ARG1: variants seen among roughly 807,000 people sequenced by gnomAD.
ARG1 encodes arginase-1.
Under a neutral mutation model 33.0 loss-of-function variants are expected in ARG1, and 20 were observed. The observed-to-expected ratio is 0.61, with a 90% CI of 0.43 to 0.88. The LOEUF (loss-of-function observed/expected upper bound fraction) is 0.88, where lower values mean the gene tolerates loss of function less well. ARG1 is among the 40% of genes least tolerant of loss of function. ARG1 has a pLI of 0.00. For missense variants in ARG1, 374 were observed against 384.7 expected (o/e 0.97, Z 0.23); for synonymous variants, 146 against 140.6 (o/e 1.04, Z -0.27).
chr6:131,582,791 T>C (rs1774000155), intron 5 of ARG1, 76 bp downstream of exon 5: 2 of 1,248,410 alleles, frequency 1.6e-6, no homozygotes, highest in African/African-American at 3.0e-5. Context: ...TGACCAACTC[T>C]ATGAGAGAAA....
Position 131,581,294 on chromosome 6 carries a change from T to G in ARG1, c.381T>G (p.Thr127=). The G allele has an allele frequency of 1.2e-6, 2 of 1,613,896 alleles. No homozygotes were observed. Among genetic ancestry groups the G allele is most frequent in the Non-Finnish European group, 1.7e-6 (2 of 1,179,834 alleles). Residue 127 remains threonine, a synonymous_variant, in exon 4 of 8, where the codon ACT becomes ACG. Transcript: ENST00000368087. ...DLGVIWVDAH[T]DINTPLTTTS... ...GAGTCATCTGGGTGGATGCTCACACTGATATCAACACTCCACTGACAACCA... is the reference window on the plus strand; with the variant it reads ...GAGTCATCTGGGTGGATGCTCACACGGATATCAACACTCCACTGACAACCA...
Position 131,584,081 on chromosome 6 carries a change from C to G in ARG1, c.*173C>G, listed in dbSNP as rs1326381254. 2.6e-6 allele frequency: 2 copies of G among 766,244 alleles called. No individual in the cohort carries two copies. Among genetic ancestry groups the G allele is most frequent in the African/African-American group, 3.5e-5 (2 of 56,584 alleles). The allele number at this position is 766,244 out of a possible 1,614,324, so 47.5% of individuals were successfully genotyped here. A position where few individuals can be genotyped will look rare whatever the true frequency, so the allele number is the denominator to read the frequency against. On this transcript the variant is annotated 3_prime_UTR_variant, in exon 8 of 8. Transcript: ENST00000368087. ...GTGTAAAATTCAAGATGTGGAAATT[C>G]TAACTTTTTTGAAATTTAAAAGCTT...
chr6:131,577,012 T>A (rs1184336792), intron 2 of ARG1, among the ~76,000 whole-genome samples: 2 of 151,686 alleles, frequency 1.3e-5, no homozygotes, highest in Non-Finnish European at 2.9e-5. Context: ...GGGTGGATGG[T>A]AGGGGAGCCG....
At chr6:131,576,763 C>G in intron 2 of ARG1, 28 bp downstream of exon 2, 1 of 1,585,688 alleles carries the variant, frequency 6.3e-7, no homozygotes, top group Non-Finnish European at 8.7e-7. Flanking sequence ...AAATGATCAG[C>G]CTGATTTCCT....
intron 1 of ARG1, chr6:131,574,096 TAA>T: frequency 1.4e-6 from 1 of 691,278 alleles, no homozygotes; most frequent in Non-Finnish European, 2.6e-6. Context: ...CTTATTCTAG[TAA>T]AGAGAGTGTG....
At position 131,579,127 on chromosome 6, in the gene ARG1, T is replaced by C. The variant is rs1773783430; in HGVS notation, c.147T>C (p.Asp49=). Reference sequence around the variant, plus strand: ...TAATTTTAGAGTGTGATGTGAAGGATTATGGGGACCTGCCCTTTGCTGACA... The same window carrying C: ...TAATTTTAGAGTGTGATGTGAAGGACTATGGGGACCTGCCCTTTGCTGACA... ...KLKEQECDVK[D]YGDLPFADIP... The change falls in exon 3 of 8, where the codon GAT becomes GAC. Residue 49 remains aspartate, a synonymous_variant. Coordinates refer to ENST00000368087, the MANE Select transcript of ARG1 (RefSeq NM_000045.4). The C allele has an allele frequency of 1.9e-6, 3 of 1,614,034 alleles. No individual in the cohort carries two copies. Among genetic ancestry groups the C allele is most frequent in the Non-Finnish European group, 2.5e-6 (3 of 1,180,002 alleles).
intron 1 of ARG1, 125 bp from the exon 2 acceptor site, chr6:131,576,538 T>C (rs974034404): frequency 3.4e-5 from 30 of 880,264 alleles, no homozygotes; most frequent in Non-Finnish European, 5.3e-5. Flanking sequence ...TGTAAATTCC[T>C]GGCTCTGTAG....
At chr6:131,574,049 G>A (rs1773495759) in intron 1 of ARG1, 1 of 556,104 alleles carries the variant, frequency 1.8e-6, no homozygotes, top group Non-Finnish European at 3.2e-6. Context: ...ACACATGCCA[G>A]CAACATTGAA....
intron 3 of ARG1, among the ~76,000 whole-genome samples, chr6:131,581,002 T>C (rs1773891827): frequency 6.6e-6 from 1 of 152,242 alleles, no homozygotes; most frequent in Non-Finnish European, 1.5e-5. Flanking sequence ...GTTTTTTTAG[T>C]AATGCAATCG....
At position 131,583,459 on chromosome 6, in the gene ARG1, G is replaced by GTCTC; in HGVS notation, c.772_775dup (p.Tyr259SerfsTer54). ...GTGGGAGGTCTGACATACAGAGAAG[G>GTCTC]TCTCTACATCACAGAAGAAATCTAC... On this transcript the variant is annotated frameshift_variant, in exon 7 of 8. Coordinates refer to ENST00000368087, the MANE Select transcript of ARG1 (RefSeq NM_000045.4). LOFTEE classifies it high-confidence loss of function. 6.2e-7 allele frequency: 1 copy of GTCTC among 1,614,096 alleles called. No homozygotes were observed.
Position 131,576,541 on chromosome 6 carries a change from C to T in ARG1, c.58-122C>T, listed in dbSNP as rs1585401573. On this transcript the variant is annotated intron_variant, in intron 1 of 7. Transcript: ENST00000368087. The stretch of plus-strand genomic sequence containing the variant: ...TAAAAGAGATGATGTAAATTCCTGG[C>T]TCTGTAGGAGCTCAAAAAATGATAG... 22 of 916,036 alleles carry T rather than the reference C, an allele frequency of 2.4e-5. No homozygotes were observed. The East Asian group carries it at 4.0e-4, about 17-fold the overall frequency. The allele number at this position is 916,036 out of a possible 1,614,324, so 56.7% of individuals were successfully genotyped here.
At chr6:131,579,044 A>G (rs1562356485) in intron 2 of ARG1, 67 bp from the exon 3 acceptor site, 5 of 1,551,742 alleles carry the variant, frequency 3.2e-6, no homozygotes, top group Non-Finnish European at 4.4e-6. Flanking sequence ...TACAATTGAG[A>G]TCATCCTACA....
chr6:131,580,333 C>T (rs1357479805), intron 3 of ARG1, among the ~76,000 whole-genome samples: 2 of 151,946 alleles, frequency 1.3e-5, no homozygotes, highest in Non-Finnish European at 2.9e-5. Flanking sequence ...AGACAAGAAA[C>T]CTAAAGGGAA....
intron 3 of ARG1, among the ~76,000 whole-genome samples, chr6:131,579,951 T>A (rs1289692419): frequency 6.6e-6 from 1 of 152,162 alleles, no homozygotes; most frequent in African/African-American, 2.4e-5. Context: ...ATAAGCATCA[T>A]AAGCATCAGT....
chr6:131,583,796 C>T lies in ARG1; in HGVS notation c.857C>T (p.Pro286Leu), dbSNP rs1190531585. 1 of 1,613,916 alleles carries T rather than the reference C, an allele frequency of 6.2e-7. No homozygotes were observed. The highest frequency in any genetic ancestry group is 1.3e-5 in the African/African-American group (1 of 74,896). ...GTGAACCCATCCCTGGGGAAGACAC[C>T]AGAAGAAGTAACTCGAACAGTGAAC... ...MEVNPSLGKT[P>L]EEVTRTVNTA... is the part of the protein sequence containing the mutation. Residue 286 changes from proline (P) to leucine (L), a missense_variant, in exon 8 of 8, where the codon CCA (proline) becomes CTA (leucine). Pro to Leu is a moderately conservative substitution (Grantham distance 98). Transcript: ENST00000368087.
chr6:131,582,822 C>G (rs1471907539), intron 5 of ARG1, 107 bp downstream of exon 5: 10 of 927,466 alleles, frequency 1.1e-5, no homozygotes, highest in Admixed American at 1.8e-5. Context: ...AAGACACACA[C>G]ACACACACAT....
At chr6:131,581,991 T>C (rs17657829) in intron 4 of ARG1, among the ~76,000 whole-genome samples, 17,002 of 152,252 alleles carry the variant, frequency 0.11, 1,027 homozygotes, top group Middle Eastern at 0.19. Context: ...ACTTTGTTGA[T>C]ATGCCATAGT....
At chr6:131,582,479 T>G in intron 4 of ARG1, 142 bp from the exon 5 acceptor site, 1 of 704,134 alleles carries the variant, frequency 1.4e-6, no homozygotes, top group Non-Finnish European at 2.4e-6. Flanking sequence ...CTCTTCTTAA[T>G]TGTGTATTAT....
chr6:131,582,427 G>T (rs1773973879), intron 4 of ARG1, among the ~76,000 whole-genome samples, 194 bp from the exon 5 acceptor site: 1 of 152,114 alleles, frequency 6.6e-6, no homozygotes, highest in Non-Finnish European at 1.5e-5. Context: ...AATGCCAACT[G>T]GTTCAAGGCA....
Sources: allele counts gnomAD v4.1 joint callset (sites outside exome capture counted in the v4.1 genomes callset), GRCh38; gene constraint gnomAD v4.1.1; transcripts MANE v1.5; gene names NCBI Gene and HGNC (gene_info 2026-07-23, HGNC 2026-07-21).